Variants in ADARB1 observed in about 807,000 individuals in gnomAD.
ADARB1 encodes the protein double-stranded RNA-specific editase 1.
Under a neutral mutation model 52.4 loss-of-function variants are expected in ADARB1, and 10 were observed. That is an observed-to-expected ratio of 0.19 (90% CI 0.12 to 0.32). The LOEUF (loss-of-function observed/expected upper bound fraction) is 0.32. ADARB1 is among the 10% of genes least tolerant of loss of function. The pLI is 1.00. For missense variants in ADARB1, 643 were observed against 922.3 expected, an observed-to-expected ratio of 0.70 and a Z score of 3.92; for synonymous variants, 349 against 371.1, an observed-to-expected ratio of 0.94 and a Z score of 0.68.
intron 8 of ADARB1, among the ~76,000 whole-genome samples, chr21:45,197,715 A>G (rs2092457799): frequency 1.3e-5 from 2 of 152,260 alleles, no homozygotes; most frequent in Non-Finnish European, 2.9e-5. Flanking sequence ...TGGCATATCC[A>G]TGCAGTGGAG....
rs1291652565 is a variant in ADARB1 at position 45,223,720 on chromosome 21, C to T, written c.*1523C>T. 4.0e-5 allele frequency: 39 copies of T among 984,570 alleles called. No homozygotes were observed. Among genetic ancestry groups the T allele is most frequent in the Non-Finnish European group, 4.6e-5 (38 of 829,288 alleles). 61.0% of individuals were successfully genotyped at this position (984,570 alleles called of 1,614,324 possible). On this transcript the variant is annotated 3_prime_UTR_variant, in exon 11 of 11. Coordinates refer to ENST00000348831, the MANE Select transcript of ADARB1 (RefSeq NM_001112.4). ...AGAGCAGGGGCAGAGGGGCGTCATC[C>T]TCCCACCGGACGCTGGGAGCTCAGA... is the stretch of plus-strand genomic sequence containing the variant.
In ADARB1 at chr21:45,142,515, T is replaced by G. The variant is rs1244716961; in HGVS notation, c.-48+13942T>G. Among the ~76,000 whole-genome samples, 1 of 151,654 alleles carries G rather than the reference T, an allele frequency of 6.6e-6. No individual in the cohort carries two copies. The highest frequency in any genetic ancestry group is 1.5e-5 in the Non-Finnish European group (1 of 68,032). ...AAGGAATCTTAATTGAGAAAATAAG[T>G]AGTTGTGTTTTTTCTTTAACTGGGC... On this transcript the variant is annotated intron_variant, in intron 2 of 10. Coordinates refer to ENST00000348831, the MANE Select transcript of ADARB1 (RefSeq NM_001112.4). This position sits in a 1 kb window ranked among gnomAD's most constrained non-coding sequence, Gnocchi z 4.0.
rs889506985 is a variant in ADARB1 at position 45,182,515 on chromosome 21, C to G, written c.1079-70C>G. 11 of 1,515,886 alleles carry G rather than the reference C, an allele frequency of 7.3e-6. 1 individual carries two copies. The highest frequency in any genetic ancestry group is 4.6e-5 in the East Asian group (2 of 43,612). 93.9% of individuals were successfully genotyped at this position (1,515,886 alleles called of 1,614,324 possible). A position where few individuals can be genotyped will look rare whatever the true frequency, so the allele number is the denominator to read the frequency against. On this transcript the variant is annotated intron_variant, in intron 5 of 10. Transcript: ENST00000348831. ...TAAGTCACTGAGAATAAGAGTCAGA[C>G]TTCAGGAGCACAGTTAGGCAAACAT...
At position 45,180,367 on chromosome 21, in the gene ADARB1, A is replaced by G; in HGVS notation, c.1001A>G (p.Lys334Arg). ...GCTGTCTCACGCCTGGTCCTGGGTA[A>G]GTTTGGTGACCTGACCGACAACTTC... ...ADAVSRLVLG[K>R]FGDLTDNFSS... The change falls in exon 5 of 11, where the codon AAG (lysine) becomes AGG (arginine). Residue 334 changes from lysine (K) to arginine (R), a missense_variant. Physicochemically the swap from Lys to Arg is conservative, Grantham distance 26 (BLOSUM62 2). This residue lies in a region of ADARB1 where 380 missense variants were observed against 446.5 expected (regional missense o/e 0.85). Coordinates refer to ENST00000348831, the MANE Select transcript of ADARB1 (RefSeq NM_001112.4). 2 of 1,614,164 alleles carry G rather than the reference A, an allele frequency of 1.2e-6. No homozygotes were observed. The highest frequency in any genetic ancestry group is 1.7e-6 in the Non-Finnish European group (2 of 1,180,024).
At chr21:45,149,653 A>G (rs955220914) in intron 2 of ADARB1, among the ~76,000 whole-genome samples, 2 of 152,262 alleles carry the variant, frequency 1.3e-5, no homozygotes, top group Admixed American at 1.3e-4. Context: ...GAGGCCACTC[A>G]TGTTTGAATG....
Position 45,222,259 on chromosome 21 carries a change from C to T in ADARB1, c.*62C>T, listed in dbSNP as rs1325956859. On this transcript the variant is annotated 3_prime_UTR_variant, in exon 11 of 11. Coordinates refer to ENST00000348831, the MANE Select transcript of ADARB1 (RefSeq NM_001112.4). Reference sequence around the variant, plus strand: ...GGCATCCAGCGTCATCCTCCAGAACCTCACATCTGAACTGGGGGCAGGTGC... The same window carrying T: ...GGCATCCAGCGTCATCCTCCAGAACTTCACATCTGAACTGGGGGCAGGTGC... 2.0e-6 allele frequency: 3 copies of T among 1,489,104 alleles called. No individual in the cohort carries two copies. Among genetic ancestry groups the T allele is most frequent in the African/African-American group, 1.4e-5 (1 of 70,732 alleles). The allele number at this position is 1,489,104 out of a possible 1,614,324, so 92.2% of individuals were successfully genotyped here. A position where few individuals can be genotyped will look rare whatever the true frequency, so the allele number is the denominator to read the frequency against.
intron 8 of ADARB1, among the ~76,000 whole-genome samples, chr21:45,202,142 G>T (rs780867167): frequency 8.5e-5 from 13 of 152,154 alleles, no homozygotes; most frequent in Non-Finnish European, 2.9e-5. Flanking sequence ...CAAGAGGAGA[G>T]GGCTTGGGGC....
Position 45,224,689 on chromosome 21 carries a change from G to A in ADARB1, c.*2492G>A. On this transcript the variant is annotated 3_prime_UTR_variant, in exon 11 of 11. Coordinates refer to ENST00000348831, the MANE Select transcript of ADARB1 (RefSeq NM_001112.4). ...CGGGAGCCCTGGGCCGGGGCAGGGG[G>A]CGGCTGTAGGAAGGAACTGGTTTCG... 2 of 969,660 alleles carry A rather than the reference G, an allele frequency of 2.1e-6. No homozygotes were observed. The highest frequency in any genetic ancestry group is 1.2e-4 in the East Asian group (1 of 8,578). 60.1% of individuals were successfully genotyped at this position (969,660 alleles called of 1,614,324 possible). A position where few individuals can be genotyped will look rare whatever the true frequency, so the allele number is the denominator to read the frequency against.
intron 1 of ADARB1, among the ~76,000 whole-genome samples, chr21:45,095,264 G>T (rs1042002986): frequency 6.6e-6 from 1 of 152,226 alleles, no homozygotes; most frequent in African/African-American, 2.4e-5. Flanking sequence ...AGCCCAGGCT[G>T]CGCTCCCTGC....
Position 45,224,839 on chromosome 21 carries a change from T to G in ADARB1, c.*2642T>G. The G allele has an allele frequency of 3.0e-6, 3 of 985,722 alleles. No individual in the cohort carries two copies. The highest frequency in any genetic ancestry group is 3.5e-5 in the African/African-American group (2 of 57,174). The allele number at this position is 985,722 out of a possible 1,614,324, so 61.1% of individuals were successfully genotyped here. A position where few individuals can be genotyped will look rare whatever the true frequency, so the allele number is the denominator to read the frequency against. Reference sequence around the variant, plus strand: ...AATAAACAAAATACAGAACGCTGACTCCTCCGTGAGACAGATCGGGGACCT... The same window carrying G: ...AATAAACAAAATACAGAACGCTGACGCCTCCGTGAGACAGATCGGGGACCT... On this transcript the variant is annotated 3_prime_UTR_variant, in exon 11 of 11. Transcript: ENST00000348831.
At chr21:45,179,841 T>G (rs2838801) in intron 4 of ADARB1, among the ~76,000 whole-genome samples, 25,596 of 151,770 alleles carry the variant, frequency 0.17, 3,237 homozygotes, top group African/African-American at 0.35. Context: ...TCTCTTGCCT[T>G]TGATTTTGCA....
At chr21:45,219,098 G>A (rs1396253989) in intron 9 of ADARB1, among the ~76,000 whole-genome samples, 1 of 152,040 alleles carries the variant, frequency 6.6e-6, no homozygotes, top group Non-Finnish European at 1.5e-5. Context: ...AAGTACAAGG[G>A]TACTTCAAAA....
chr21:45,135,937 A>G (rs2145868986), intron 2 of ADARB1, among the ~76,000 whole-genome samples: 1 of 152,272 alleles, frequency 6.6e-6, no homozygotes, highest in East Asian at 1.9e-4. Flanking sequence ...GACCATGCAC[A>G]GCCCCTTTCC....
Position 45,204,189 on chromosome 21 carries a change from G to T in ADARB1, c.1566-366G>T, listed in dbSNP as rs1300106525. Among the ~76,000 whole-genome samples, 2 of 152,210 alleles carry T rather than the reference G, an allele frequency of 1.3e-5. No individual in the cohort carries two copies. The highest frequency in any genetic ancestry group is 2.9e-5 in the Non-Finnish European group (2 of 68,044). The stretch of plus-strand genomic sequence containing the variant: ...TTTCATTTAATATCTTCAGATCACG[G>T]TTGACAGTGAGTAACTGAAACCTCT... On this transcript the variant is annotated intron_variant, in intron 8 of 10. Coordinates refer to ENST00000348831, the MANE Select transcript of ADARB1 (RefSeq NM_001112.4). This position sits in a 1 kb window ranked among gnomAD's most constrained non-coding sequence, Gnocchi z 4.4.
chr21:45,074,614 G>GGCGGCGGCGGCGGCGGCGGCGGCGGCA lies in ADARB1; in HGVS notation c.-391_-390insGGCGGCGGCGGCGGCGGCAGCGGCGGC, dbSNP rs1555882622. ...AGGCGGCCGTGGCGGCGGCGGCGGC[G>GGCGGCGGCGGCGGCGGCGGCGGCGGCA]GCGGCGGCAGCGGCGGCCAAGCGGC... On this transcript the variant is annotated 5_prime_UTR_variant, in exon 1 of 11. Transcript: ENST00000348831. 2 of 149,446 alleles carry GGCGGCGGCGGCGGCGGCGGCGGCGGCA rather than the reference G, an allele frequency of 1.3e-5. No individual in the cohort carries two copies. The highest frequency in any genetic ancestry group is 2.9e-5 in the Non-Finnish European group (2 of 68,442). 9.3% of individuals were successfully genotyped at this position (149,446 alleles called of 1,614,324 possible). A position where few individuals can be genotyped will look rare whatever the true frequency, so the allele number is the denominator to read the frequency against.
chr21:45,076,890 G>C (rs778695737), intron 1 of ADARB1, among the ~76,000 whole-genome samples: 8 of 152,164 alleles, frequency 5.3e-5, no homozygotes, highest in Admixed American at 3.3e-4. Flanking sequence ...AACAAGATAG[G>C]TAGAGATCAA....
intron 9 of ADARB1, among the ~76,000 whole-genome samples, chr21:45,205,068 G>A (rs1164152609): frequency 1.3e-5 from 2 of 152,136 alleles, no homozygotes; most frequent in African/African-American, 4.8e-5. Context: ...AGACCAGCCT[G>A]AGAAAAATGG....
intron 1 of ADARB1, among the ~76,000 whole-genome samples, chr21:45,089,317 A>G (rs562602811): frequency 8.5e-5 from 13 of 152,356 alleles, no homozygotes; most frequent in African/African-American, 2.9e-4. Flanking sequence ...TAAAATTTCA[A>G]CATAAAAAGT....
chr21:45,222,255 G>A lies in ADARB1; in HGVS notation c.*58G>A. On this transcript the variant is annotated 3_prime_UTR_variant, in exon 11 of 11. Transcript: ENST00000348831. ...TGTGGGCATCCAGCGTCATCCTCCA[G>A]AACCTCACATCTGAACTGGGGGCAG... 1 of 1,409,116 alleles carries A rather than the reference G, an allele frequency of 7.1e-7. No homozygotes were observed. The highest frequency in any genetic ancestry group is 9.3e-7 in the Non-Finnish European group (1 of 1,074,580). 87.3% of individuals were successfully genotyped at this position (1,409,116 alleles called of 1,614,324 possible).
Sources: gnomAD v4.1 joint callset for allele counts (sites outside exome capture counted in the v4.1 genomes callset) on GRCh38, gnomAD v4.1.1 for gene constraint, gnomAD v4.1.1 regional missense constraint, Gnocchi (gnomAD v3.1) non-coding constraint, MANE v1.5 for transcripts, NCBI Gene and HGNC (gene_info 2026-07-23, HGNC 2026-07-21) for gene names.